SLC2A14: variants seen among roughly 807,000 people sequenced by gnomAD.
SLC2A14 encodes the protein solute carrier family 2 member 14, also known as solute carrier family 2, facilitated glucose transporter member 14.
A neutral mutation model predicts 43.0 loss-of-function variants in SLC2A14; 13 were observed. The observed-to-expected ratio is 0.30, with a 90% CI of 0.20 to 0.48. SLC2A14 has a LOEUF of 0.48. SLC2A14 is among the 20% of genes least tolerant of loss of function. The pLI is 0.99. For synonymous variants in SLC2A14, 190 were observed against 233.8 expected (o/e 0.81, Z 1.71); for missense variants, 428 against 620.4 (o/e 0.69, Z 3.29).
chr12:7,816,786 C>T (rs540879440), intron 10 of SLC2A14, among the ~76,000 whole-genome samples: 5 of 151,860 alleles, frequency 3.3e-5, no homozygotes, highest in South Asian at 4.2e-4. Context: ...TGGCTCACCA[C>T]GAACTCCACC....
upstream of SLC2A14, among the ~76,000 whole-genome samples, chr12:7,874,817 T>TATATATAAATTATATATAAATAC: frequency 1.2e-5 from 1 of 84,792 alleles, no homozygotes; most frequent in Non-Finnish European, 2.6e-5. Flanking sequence ...AATACGTATT[T>TATATATAAATTATATATAAATAC]ATATATAAAT....
intron 1 of SLC2A14, among the ~76,000 whole-genome samples, chr12:7,880,984 C>A (rs1216388928): frequency 6.6e-6 from 1 of 152,102 alleles, no homozygotes; most frequent in Admixed American, 6.6e-5. Context: ...ACTAAAAATA[C>A]AAAAAATTAA....
At chr12:7,828,473 C>T (rs915491253) in intron 6 of SLC2A14, among the ~76,000 whole-genome samples, 19 of 151,750 alleles carry the variant, frequency 1.3e-4, no homozygotes, top group African/African-American at 4.3e-4. Flanking sequence ...GCTTAGAACC[C>T]AGGAGGCGGA....
At chr12:7,849,084 C>T (rs1866709032) in intron 2 of SLC2A14, among the ~76,000 whole-genome samples, 1 of 151,850 alleles carries the variant, frequency 6.6e-6, no homozygotes, top group Non-Finnish European at 1.5e-5. Flanking sequence ...GCACTCCTGA[C>T]CTCAGGGTAG....
intron 7 of SLC2A14, among the ~76,000 whole-genome samples, chr12:7,826,900 T>TCTTTCTTA: frequency 1.3e-5 from 1 of 79,820 alleles, no homozygotes; most frequent in Non-Finnish European, 2.5e-5. Flanking sequence ...TTTCTTTCTT[T>TCTTTCTTA]CTTTCTTTCT....
intron 2 of SLC2A14, among the ~76,000 whole-genome samples, chr12:7,869,066 C>A (rs772238614): frequency 2.9e-4 from 44 of 151,962 alleles, no homozygotes; most frequent in African/African-American, 1.1e-3. Flanking sequence ...ATCGTTTGAA[C>A]CCAGGAGGCG....
At chr12:7,842,070 A>C (rs1866000063) in intron 2 of SLC2A14, among the ~76,000 whole-genome samples, 1 of 151,916 alleles carries the variant, frequency 6.6e-6, no homozygotes, top group South Asian at 2.1e-4. Context: ...ACCCCTGGCA[A>C]TCACTGATCT....
intron 1 of SLC2A14, 68 bp downstream of exon 1, chr12:7,872,739 C>T: frequency 1.0e-6 from 1 of 981,698 alleles, no homozygotes; most frequent in Non-Finnish European, 1.2e-6. Flanking sequence ...CTAGCTCGGC[C>T]ACCTCTACCC....
chr12:7,873,725 C>T (rs1179412090), upstream of SLC2A14, among the ~76,000 whole-genome samples: 1 of 152,042 alleles, frequency 6.6e-6, no homozygotes, highest in African/African-American at 2.4e-5. Context: ...TGAAAAGCCC[C>T]GCGGTCGTTC....
chr12:7,833,311 T>G (rs1200051209), intron 2 of SLC2A14, among the ~76,000 whole-genome samples: 1 of 152,192 alleles, frequency 6.6e-6, no homozygotes, highest in Non-Finnish European at 1.5e-5. Flanking sequence ...TGGGTGGCTC[T>G]TTGAGTCTCT....
intron 2 of SLC2A14, among the ~76,000 whole-genome samples, chr12:7,852,060 C>T (rs1866979072): frequency 6.6e-6 from 1 of 152,066 alleles, no homozygotes; most frequent in African/African-American, 2.4e-5. Flanking sequence ...ACTAGGGGTC[C>T]TAAAAGATAA....
rs1555116014 is a variant in SLC2A14 at position 7,815,894 on chromosome 12, T to TTTTG, written c.1276-1361_1276-1360insCAAA. ...CCTGGCCAGTTTTGTTTTTTTTTGT[T>TTTTG]TTTTTGTTTTTGTTTTTGTTTTTGA... On this transcript the variant is annotated intron_variant, in intron 10 of 10. Transcript: ENST00000431042. 1.0e-4 allele frequency among the ~76,000 whole-genome samples: 15 copies of TTTTG among 149,238 alleles called. No individual in the cohort carries two copies. In the South Asian group the frequency reaches 1.9e-3, roughly 19 times the overall value.
intron 1 of SLC2A14, among the ~76,000 whole-genome samples, chr12:7,883,107 GCTGAGT>G (rs1050807920): frequency 6.6e-6 from 1 of 151,718 alleles, no homozygotes; most frequent in Non-Finnish European, 1.5e-5. Flanking sequence ...TACTCCGTAG[GCTGAGT>G]TGGGAGAATC....
At chr12:7,883,880 G>A (rs942911565) in intron 1 of SLC2A14, among the ~76,000 whole-genome samples, 1 of 151,460 alleles carries the variant, frequency 6.6e-6, no homozygotes, top group African/African-American at 2.4e-5. Flanking sequence ...ACCACGCCTG[G>A]CCCACAAATG....
chr12:7,828,986 G>T (rs762034921), intron 5 of SLC2A14, 120 bp from the exon 6 acceptor site: 34 of 1,246,708 alleles, frequency 2.7e-5, no homozygotes, highest in Middle Eastern at 2.3e-4. Context: ...ACTTTGGAAG[G>T]CTGAGGCAGG....
chr12:7,837,204 G>A (rs116340039), intron 2 of SLC2A14, among the ~76,000 whole-genome samples: 2,117 of 152,040 alleles, frequency 0.014, 63 homozygotes, highest in African/African-American at 0.049. Flanking sequence ...CTAACTTGTG[G>A]TAATAATTTC....
chr12:7,829,546 C>T (rs1386985848), intron 5 of SLC2A14, among the ~76,000 whole-genome samples: 1 of 136,664 alleles, frequency 7.3e-6, no homozygotes, highest in Non-Finnish European at 1.5e-5. Context: ...CAGAGTGAAA[C>T]TCCCTCTCAA....
chr12:7,890,762 G>A (rs1945762458), intron 1 of SLC2A14: 1 of 305,400 alleles, frequency 3.3e-6, no homozygotes, highest in Non-Finnish European at 6.1e-6. Context: ...GGGGAATTCA[G>A]CTCAGGCTTT....
chr12:7,888,782 A>G (rs1945727267), intron 1 of SLC2A14, among the ~76,000 whole-genome samples: 1 of 139,546 alleles, frequency 7.2e-6, no homozygotes, highest in South Asian at 2.4e-4. Context: ...TGGGCAACAG[A>G]GCAAGACTCC....
Sources: allele counts gnomAD v4.1 joint callset (sites outside exome capture counted in the v4.1 genomes callset), GRCh38; gene constraint gnomAD v4.1.1; transcripts MANE v1.5; gene names NCBI Gene and HGNC (gene_info 2026-07-23, HGNC 2026-07-21).